The following MAD1L1 variants were observed in gnomAD, a reference collection of about 807,000 sequenced individuals.
The protein encoded by MAD1L1 is mitotic arrest deficient 1 like 1.
MAD1L1 carries 95 observed loss-of-function variants against 96.9 expected under a neutral mutation model. The ratio of observed to expected loss-of-function variants is 0.98; its 90% CI spans 0.83 to 1.16. The LOEUF is 1.16. Ranked by LOEUF, MAD1L1 falls within the 50% of genes most tolerant of loss-of-function variation. MAD1L1 has a pLI of 0.00. For missense variants in MAD1L1, 1,007 were observed against 954.4 expected, an observed-to-expected ratio of 1.06 and a Z score of -0.73; for synonymous variants, 473 against 396.6, an observed-to-expected ratio of 1.19 and a Z score of -2.29.
At chr7:1,998,368 T>C (rs55692801) in intron 14 of MAD1L1, among the ~76,000 whole-genome samples, 8,727 of 152,348 alleles carry the variant, frequency 0.057, 363 homozygotes, top group Non-Finnish European at 0.091. Context: ...GGGGAGTCCA[T>C]GCTCCAGGGC....
intron 14 of MAD1L1, among the ~76,000 whole-genome samples, chr7:1,982,498 C>T (rs1365628945): frequency 1.2e-4 from 18 of 152,228 alleles, no homozygotes; most frequent in Non-Finnish European, 1.5e-5. Context: ...CGTGAGCCGC[C>T]GCGCCCAGCC....
At chr7:1,846,941 T>G (rs1583540315) in intron 18 of MAD1L1, 2 of 311,356 alleles carry the variant, frequency 6.4e-6, no homozygotes, top group Admixed American at 4.9e-5. Context: ...TCACGGGAGG[T>G]TCTTCATCTT....
intron 11 of MAD1L1, among the ~76,000 whole-genome samples, chr7:2,143,437 C>T (rs932958471): frequency 6.6e-6 from 1 of 151,456 alleles, no homozygotes; most frequent in Non-Finnish European, 1.5e-5. Flanking sequence ...CTGGGACCAA[C>T]AGCAGGAAAG....
At chr7:1,824,117 C>T (rs1273684109) in intron 18 of MAD1L1, among the ~76,000 whole-genome samples, 1 of 152,164 alleles carries the variant, frequency 6.6e-6, no homozygotes, top group Non-Finnish European at 1.5e-5. Context: ...GGCAGGTAGT[C>T]AGCCTGCCAC....
intron 10 of MAD1L1, among the ~76,000 whole-genome samples, chr7:2,153,425 A>C: frequency 6.6e-6 from 1 of 152,120 alleles, no homozygotes; most frequent in Non-Finnish European, 1.5e-5. Flanking sequence ...GCAAATGGCC[A>C]ACAGGTATAT....
intron 10 of MAD1L1, among the ~76,000 whole-genome samples, chr7:2,170,602 G>C (rs982542254): frequency 1.7e-4 from 26 of 152,276 alleles, no homozygotes; most frequent in African/African-American, 5.8e-4. Context: ...AGGGTCTCGT[G>C]GTCATTGCTT....
intron 11 of MAD1L1, among the ~76,000 whole-genome samples, chr7:2,087,532 T>C (rs1785982644): frequency 6.6e-6 from 1 of 152,108 alleles, no homozygotes. Context: ...AGTGTGAGAC[T>C]CCGTCTTGAA....
chr7:2,008,556 T>C (rs978923952), intron 13 of MAD1L1, among the ~76,000 whole-genome samples: 1 of 152,032 alleles, frequency 6.6e-6, no homozygotes, highest in Non-Finnish European at 1.5e-5. Flanking sequence ...GATGGTGGGA[T>C]GGAGAGAGAG....
chr7:1,915,518 G>A (rs1788326715), intron 17 of MAD1L1, among the ~76,000 whole-genome samples: 1 of 152,216 alleles, frequency 6.6e-6, no homozygotes, highest in South Asian at 2.1e-4. Context: ...GACGTACGTG[G>A]AGCGGTGTTC....
intron 10 of MAD1L1, among the ~76,000 whole-genome samples, chr7:2,200,026 C>A (rs1291769842): frequency 2.0e-5 from 3 of 152,346 alleles, no homozygotes; most frequent in Admixed American, 2.0e-4. Flanking sequence ...GGGGTAACTG[C>A]CCAACACTCT....
intron 7 of MAD1L1, 64 bp downstream of exon 7, chr7:2,217,898 C>A: frequency 7.2e-7 from 1 of 1,392,750 alleles, no homozygotes; most frequent in Non-Finnish European, 1.0e-6. Context: ...GAAAGGCCGA[C>A]AGGGGCAGGA....
chr7:1,948,402 TGAGG>T (rs1227236433), intron 16 of MAD1L1, among the ~76,000 whole-genome samples: 2 of 151,322 alleles, frequency 1.3e-5, no homozygotes, highest in Non-Finnish European at 1.5e-5. Context: ...CACCAGGGCC[TGAGG>T]GAGGGGCCGC....
At chr7:2,014,786 G>C (rs1584084840) in intron 12 of MAD1L1, 144 bp from the exon 13 acceptor site, 1 of 897,836 alleles carries the variant, frequency 1.1e-6, no homozygotes, top group East Asian at 3.0e-5. Flanking sequence ...GCCCACCCCT[G>C]AGGGCCCACC....
chr7:2,037,034 C>T (rs962981067), intron 12 of MAD1L1, among the ~76,000 whole-genome samples: 2 of 152,106 alleles, frequency 1.3e-5, no homozygotes, highest in East Asian at 1.9e-4. Context: ...CTCCACCTGC[C>T]GCATGCTCCT....
chr7:1,975,023 A>G lies in MAD1L1; in HGVS notation c.1505+5430T>C, dbSNP rs181923124. 3.1e-3 allele frequency among the ~76,000 whole-genome samples: 475 copies of G among 152,354 alleles called. 3 individuals carry two copies. The highest frequency in any genetic ancestry group is 0.011 in the African/African-American group (451 of 41,586). The stretch of plus-strand genomic sequence containing the variant: ...GGCACCACCTGCAGAGCCCAGGCGC[A>G]GGGGCCGCTGTCGCTACCGGCAGCC... On this transcript the variant is annotated intron_variant, in intron 15 of 18. Coordinates refer to ENST00000265854, the MANE Select transcript of MAD1L1 (RefSeq NM_001013836.2).
At chr7:2,124,588 C>G (rs143372642) in intron 11 of MAD1L1, among the ~76,000 whole-genome samples, 1 of 152,184 alleles carries the variant, frequency 6.6e-6, no homozygotes, top group Non-Finnish European at 1.5e-5. Context: ...GCTAGGAAGA[C>G]TCTGGCAGAG....
rs376070299 is a variant in MAD1L1, at chr7:2,014,606, C to T, written c.1255G>A (p.Asp419Asn). 1.9e-6 allele frequency: 3 copies of T among 1,612,458 alleles called. No homozygotes were observed. Among genetic ancestry groups the T allele is most frequent in the Admixed American group, 3.3e-5 (2 of 59,946 alleles). The stretch of plus-strand genomic sequence containing the variant: ...TACTCGGCCGGGGTCAGCTCGCTGT[C>T]GTAGGACCCCAGGATGGCCCGCATA... The part of the protein sequence containing the change: ...DGMRAILGSY[D>N]SELTPAEYSP... Residue 419 changes from aspartate to asparagine, a missense_variant, in exon 13 of 19, where the codon GAC becomes AAC. Asp to Asn is a conservative substitution (Grantham distance 23). Coordinates refer to ENST00000265854, the MANE Select transcript of MAD1L1 (RefSeq NM_001013836.2).
At chr7:1,894,359 G>C (rs1786734333) in intron 18 of MAD1L1, among the ~76,000 whole-genome samples, 1 of 152,222 alleles carries the variant, frequency 6.6e-6, no homozygotes, top group East Asian at 1.9e-4. Flanking sequence ...CCTCCAGAAG[G>C]TCTGCAGGGA....
At chr7:1,938,746 GCACACACA>G (rs71023370) in intron 16 of MAD1L1, among the ~76,000 whole-genome samples, 2 of 99,734 alleles carry the variant, frequency 2.0e-5, no homozygotes, top group African/African-American at 3.6e-5. Context: ...AGGCGCGCAC[GCACACACA>G]CACACACACA....
Sources: allele counts gnomAD v4.1 joint callset (sites outside exome capture counted in the v4.1 genomes callset), GRCh38; gene constraint gnomAD v4.1.1; transcripts MANE v1.5; gene names NCBI Gene and HGNC (gene_info 2026-07-23, HGNC 2026-07-21).